SNTG1: variants seen among roughly 807,000 people sequenced by gnomAD.
The protein encoded by SNTG1 is syntrophin gamma 1, also known as gamma-1-syntrophin.
In SNTG1, 39 loss-of-function variants were observed where a neutral mutation model predicts 74.7. The ratio of observed to expected loss-of-function variants is 0.52; its 90% CI spans 0.40 to 0.68. The LOEUF (loss-of-function observed/expected upper bound fraction) is 0.68, where lower values mean the gene tolerates loss of function less well. SNTG1 is among the 30% of genes least tolerant of loss of function. The pLI, the probability that SNTG1 is intolerant of heterozygous loss-of-function variation, is 0.00. For synonymous variants in SNTG1, 254 were observed against 217.1 expected (o/e 1.17, Z -1.49); for missense variants, 685 against 609.5 (o/e 1.12, Z -1.30).
chr8:50,550,896 T>A (rs2094421733), intron 11 of SNTG1, among the ~76,000 whole-genome samples: 1 of 152,118 alleles, frequency 6.6e-6, no homozygotes, highest in Admixed American at 6.6e-5. Context: ...AGCACTTCAG[T>A]TTTTCCCTAG....
intron 18 of SNTG1, among the ~76,000 whole-genome samples, chr8:50,773,238 TG>T (rs1458454943): frequency 6.6e-6 from 1 of 152,058 alleles, no homozygotes; most frequent in African/African-American, 2.4e-5. Flanking sequence ...AGAAAGATGC[TG>T]GTGAAAAACT....
At chr8:50,459,567 T>G (rs2093540959) in intron 8 of SNTG1, among the ~76,000 whole-genome samples, 1 of 152,052 alleles carries the variant, frequency 6.6e-6, no homozygotes, top group Admixed American at 6.6e-5. Flanking sequence ...CATGTGCAGG[T>G]TTTTTACCTG....
chr8:50,402,344 T>C lies in SNTG1; in HGVS notation c.162T>C (p.Gly54=), dbSNP rs140084378. ...TGTCTGGTGAGCCTTTCTATTCTGGTGTAAGTAGCTTTTTCTTCTGTTGAA... is the reference window on the plus strand; with the variant it reads ...TGTCTGGTGAGCCTTTCTATTCTGGCGTAAGTAGCTTTTTCTTCTGTTGAA... ...ICVSGEPFYS[G]ERTVTIRRQT... The change falls in exon 4 of 19, where the codon GGT becomes GGC. Residue 54 remains glycine, a splice_region_variant and synonymous_variant. Coordinates refer to ENST00000642720, the MANE Select transcript of SNTG1 (RefSeq NM_018967.5). 119 of 1,577,212 alleles carry C rather than the reference T, an allele frequency of 7.5e-5. No homozygotes were observed. The highest frequency in any genetic ancestry group is 1.0e-4 in the Non-Finnish European group (118 of 1,169,350).
intron 1 of SNTG1, among the ~76,000 whole-genome samples, chr8:50,130,926 G>T (rs1039917106): frequency 6.6e-6 from 1 of 152,016 alleles, no homozygotes; most frequent in Non-Finnish European, 1.5e-5. Flanking sequence ...TGTTTAGAAA[G>T]ATTACAAAGA....
At chr8:50,747,421 A>C (rs1442472843) in intron 17 of SNTG1, among the ~76,000 whole-genome samples, 1 of 120,926 alleles carries the variant, frequency 8.3e-6, no homozygotes, top group Non-Finnish European at 1.6e-5. Flanking sequence ...ATCTAGCTTA[A>C]GTACTACAAG....
At chr8:50,729,791 A>C (rs1386176240) in intron 17 of SNTG1, among the ~76,000 whole-genome samples, 2 of 152,210 alleles carry the variant, frequency 1.3e-5, no homozygotes, top group Non-Finnish European at 2.9e-5. Flanking sequence ...GTCATACTTA[A>C]GGGGAATTCT....
chr8:49,933,693 A>C (rs1216347104), intron 1 of SNTG1, among the ~76,000 whole-genome samples: 3 of 152,180 alleles, frequency 2.0e-5, no homozygotes, highest in African/African-American at 7.2e-5. Flanking sequence ...TCTCAATTTT[A>C]TTCCATTGAT....
intron 1 of SNTG1, among the ~76,000 whole-genome samples, chr8:50,088,154 G>T (rs1181788416): frequency 6.6e-6 from 1 of 151,092 alleles, no homozygotes; most frequent in Non-Finnish European, 1.5e-5. Context: ...GCGTATATGT[G>T]CCACATTTTC....
At chr8:50,709,379 T>G (rs916766839) in intron 17 of SNTG1, among the ~76,000 whole-genome samples, 1 of 137,044 alleles carries the variant, frequency 7.3e-6, no homozygotes, top group East Asian at 2.4e-4. Flanking sequence ...AAACATGTTG[T>G]TTTTTTAAAA....
At chr8:50,269,388 C>A (rs1028357288) in intron 2 of SNTG1, among the ~76,000 whole-genome samples, 1 of 151,994 alleles carries the variant, frequency 6.6e-6, no homozygotes, top group African/African-American at 2.4e-5. Context: ...AAAATTTGAG[C>A]AAAATTTGTT....
intron 1 of SNTG1, among the ~76,000 whole-genome samples, chr8:50,065,647 A>G (rs1586119460): frequency 1.3e-5 from 2 of 152,196 alleles, no homozygotes; most frequent in African/African-American, 2.4e-5. Flanking sequence ...TCATTTCAGA[A>G]CATTTAACCA....
chr8:50,632,681 T>G (rs1164984506), intron 13 of SNTG1, among the ~76,000 whole-genome samples: 1 of 152,212 alleles, frequency 6.6e-6, no homozygotes, highest in Non-Finnish European at 1.5e-5. Context: ...AAATAATAAA[T>G]AAGTAAAACA....
chr8:50,032,994 C>A (rs1817858153), intron 1 of SNTG1, among the ~76,000 whole-genome samples: 1 of 151,842 alleles, frequency 6.6e-6, no homozygotes, highest in African/African-American at 2.4e-5. Flanking sequence ...TATTGGACCT[C>A]ATTTTCCTCT....
chr8:50,103,832 T>G (rs1441634106), intron 1 of SNTG1, among the ~76,000 whole-genome samples: 1 of 152,220 alleles, frequency 6.6e-6, no homozygotes, highest in Non-Finnish European at 1.5e-5. Context: ...GTGGTTTTTG[T>G]CTTTGGTTCT....
At chr8:50,660,332 AAGAAAGAAAG>A (rs1369452413) in intron 15 of SNTG1, among the ~76,000 whole-genome samples, 1 of 144,754 alleles carries the variant, frequency 6.9e-6, no homozygotes, top group African/African-American at 2.6e-5. Context: ...GGAAAGAAGA[AAGAAAGAAAG>A]AGAAAGAAAG....
intron 15 of SNTG1, among the ~76,000 whole-genome samples, chr8:50,701,246 G>A (rs1394384926): frequency 6.6e-6 from 1 of 152,144 alleles, no homozygotes; most frequent in African/African-American, 2.4e-5. Flanking sequence ...AAAAAGCTAA[G>A]GTAGATGTTG....
intron 13 of SNTG1, among the ~76,000 whole-genome samples, chr8:50,647,769 T>G (rs571822694): frequency 6.6e-5 from 10 of 152,212 alleles, no homozygotes; most frequent in Non-Finnish European, 1.5e-4. Flanking sequence ...AAATTATTTA[T>G]CTTAAAATGA....
At chr8:50,428,848 T>C (rs973337331) in intron 4 of SNTG1, among the ~76,000 whole-genome samples, 1 of 152,160 alleles carries the variant, frequency 6.6e-6, no homozygotes, top group Non-Finnish European at 1.5e-5. Context: ...CTAAGTCTTC[T>C]AAGATGGAAT....
At chr8:50,188,506 AC>A (rs1205695760) in intron 2 of SNTG1, among the ~76,000 whole-genome samples, 1 of 152,046 alleles carries the variant, frequency 6.6e-6, no homozygotes, top group Non-Finnish European at 1.5e-5. Context: ...GAGTTTTTTC[AC>A]CCTCAGATAG....
Sources: gnomAD v4.1 joint callset for allele counts (sites outside exome capture counted in the v4.1 genomes callset) on GRCh38, gnomAD v4.1.1 for gene constraint, MANE v1.5 for transcripts, NCBI Gene and HGNC (gene_info 2026-07-23, HGNC 2026-07-21) for gene names.